The following KLF12 variants were observed in gnomAD, a reference collection of about 807,000 sequenced individuals.
KLF12 encodes Krueppel-like factor 12.
KLF12 carries 9 observed loss-of-function variants against 37.8 expected under a neutral mutation model. That is an observed-to-expected ratio of 0.24 (90% CI 0.14 to 0.42). KLF12 has a LOEUF of 0.42. Among genes scored for constraint, KLF12 ranks in the 10% least tolerant of loss-of-function variants. KLF12 has a pLI of 1.00. For synonymous variants in KLF12, 208 were observed against 202.1 expected, an observed-to-expected ratio of 1.03 and a Z score of -0.25; for missense variants, 411 against 516.0, an observed-to-expected ratio of 0.80 and a Z score of 1.97.
intron 3 of KLF12, among the ~76,000 whole-genome samples, chr13:73,856,277 G>A (rs1382817637): frequency 7.9e-5 from 12 of 152,172 alleles, no homozygotes; most frequent in African/African-American, 2.7e-4. Context: ...ACAGTGACAC[G>A]AAGACCCTCA....
chr13:73,803,874 T>C lies in KLF12; in HGVS notation c.806+9278A>G, dbSNP rs895531103. Among the ~76,000 whole-genome samples, 3 of 152,052 alleles carry C rather than the reference T, an allele frequency of 2.0e-5. No homozygotes were observed. In the South Asian group the frequency reaches 6.2e-4, roughly 32 times the overall value. ...GAGGTTGTGGACACCTAAGTAACAC[T>C]AGTCATATCCATGATGATGTAAATG... On this transcript the variant is annotated intron_variant, in intron 5 of 7. Transcript: ENST00000377669.
chr13:74,251,255 G>A, the KLF12 span, among the ~76,000 whole-genome samples: 3 of 151,874 alleles, frequency 2.0e-5, no homozygotes, highest in East Asian at 1.9e-4. Context: ...GGGTTCAAGC[G>A]ATTCTCCTGC....
intron 1 of KLF12, among the ~76,000 whole-genome samples, chr13:74,118,035 G>A (rs537432744): frequency 1.4e-4 from 21 of 151,826 alleles, no homozygotes; most frequent in African/African-American, 3.9e-4. Flanking sequence ...GATAAACAAC[G>A]CCATGGTAAT....
chr13:73,791,464 T>C (rs962271922), intron 5 of KLF12, among the ~76,000 whole-genome samples: 1 of 152,182 alleles, frequency 6.6e-6, no homozygotes, highest in Non-Finnish European at 1.5e-5. Context: ...ATATATATTG[T>C]CTTCTTTAGG....
chr13:73,775,019 G>C (rs1427801615), intron 5 of KLF12, among the ~76,000 whole-genome samples: 1 of 151,668 alleles, frequency 6.6e-6, no homozygotes, highest in Non-Finnish European at 1.5e-5. Context: ...CTGGGTTCAG[G>C]TGATTCTCCT....
chr13:73,985,145 C>T (rs926426496), intron 2 of KLF12, among the ~76,000 whole-genome samples: 7 of 152,206 alleles, frequency 4.6e-5, no homozygotes, highest in Non-Finnish European at 1.0e-4. Flanking sequence ...AACATGTCGA[C>T]GAGAGTCTTC....
chr13:74,012,088 T>C (rs1233062575), intron 1 of KLF12, among the ~76,000 whole-genome samples: 1 of 152,214 alleles, frequency 6.6e-6, no homozygotes, highest in African/African-American at 2.4e-5. Flanking sequence ...AATCTAGCAT[T>C]TAATGCATCT....
chr13:74,049,173 C>T (rs1172570276), intron 1 of KLF12, among the ~76,000 whole-genome samples: 3 of 152,188 alleles, frequency 2.0e-5, no homozygotes, highest in African/African-American at 7.2e-5. Flanking sequence ...AACAAAGGGC[C>T]TCCACTGAGA....
chr13:74,257,805 C>A, the KLF12 span: 2 of 152,114 alleles, frequency 1.3e-5, no homozygotes, highest in African/African-American at 4.8e-5. Flanking sequence ...GTCTTTGTTG[C>A]TTTTTTCTAG....
chr13:74,038,186 T>C (rs189378686), intron 1 of KLF12, among the ~76,000 whole-genome samples: 3 of 152,194 alleles, frequency 2.0e-5, no homozygotes, highest in Admixed American at 1.3e-4. Flanking sequence ...ATGCTACCAG[T>C]GGGGAAAACT....
chr13:74,133,665 A>C (rs1276442484), intron 1 of KLF12, among the ~76,000 whole-genome samples: 1 of 111,670 alleles, frequency 9.0e-6, no homozygotes, highest in Non-Finnish European at 1.9e-5. Context: ...ATACGGTCTG[A>C]TTTGGGATGG....
rs368511840 is a variant in KLF12, at chr13:73,719,423, C to CAAA, written c.870-3901_870-3899dup. 2.9e-3 allele frequency among the ~76,000 whole-genome samples: 416 copies of CAAA among 144,486 alleles called. 7 individuals carry two copies. In the East Asian group the frequency reaches 0.055, roughly 19 times the overall value. The allele number at this position is 144,486 out of a possible 152,430, so 94.8% of individuals were successfully genotyped here. A position where few individuals can be genotyped will look rare whatever the true frequency, so the allele number is the denominator to read the frequency against. On this transcript the variant is annotated intron_variant, in intron 6 of 7. Transcript: ENST00000377669. ...CAGAACCTAGGACATTGTGGGCATT[C>CAAA]AAAAAAAAAAAAAAGTTTGCTAAAT...
intron 3 of KLF12, among the ~76,000 whole-genome samples, chr13:73,851,208 T>C (rs1885317065): frequency 6.6e-6 from 1 of 152,224 alleles, no homozygotes; most frequent in South Asian, 2.1e-4. Context: ...AAACAGAACT[T>C]ACTCTATTAC....
chr13:74,191,613 C>T, the KLF12 span, among the ~76,000 whole-genome samples: 1 of 152,276 alleles, frequency 6.6e-6, no homozygotes, highest in Non-Finnish European at 1.5e-5. Context: ...TTCCTGACAT[C>T]TCCCTGAAGA....
At chr13:73,833,156 T>C (rs1424574945) in intron 4 of KLF12, among the ~76,000 whole-genome samples, 2 of 152,222 alleles carry the variant, frequency 1.3e-5, no homozygotes, top group African/African-American at 4.8e-5. Flanking sequence ...ATTCTATTAA[T>C]TGCCTGGATC....
chr13:74,205,353 CTT>C, the KLF12 span, among the ~76,000 whole-genome samples: 3 of 152,060 alleles, frequency 2.0e-5, no homozygotes, highest in East Asian at 3.9e-4. Flanking sequence ...TGAAAAGTAA[CTT>C]ATTCTCCCAA....
chr13:74,022,284 T>C lies in KLF12; in HGVS notation c.-31-27231A>G, dbSNP rs376869822. Among the ~76,000 whole-genome samples the C allele has an allele frequency of 1.7e-3, 266 of 152,218 alleles. 2 individuals are homozygous for C. The highest frequency in any genetic ancestry group is 6.0e-3 in the African/African-American group (251 of 41,514). On this transcript the variant is annotated intron_variant, in intron 1 of 7. Transcript: ENST00000377669. ...GAGCTTCTTGGAAATAATCACATAA[T>C]ACGGGGGCAACATTCACTGCAAACA... is the stretch of plus-strand genomic sequence containing the variant.
At chr13:73,907,640 G>C (rs1888365551) in intron 3 of KLF12, among the ~76,000 whole-genome samples, 1 of 152,184 alleles carries the variant, frequency 6.6e-6, no homozygotes, top group Non-Finnish European at 1.5e-5. Flanking sequence ...GAGTAGTTAA[G>C]TAACTTGAAG....
At chr13:74,068,719 G>T (rs1345825631) in intron 1 of KLF12, among the ~76,000 whole-genome samples, 2 of 152,010 alleles carry the variant, frequency 1.3e-5, no homozygotes, top group East Asian at 3.9e-4. Flanking sequence ...ATAACACTCA[G>T]CTAATTTTCG....
Sources: allele counts gnomAD v4.1 joint callset (sites outside exome capture counted in the v4.1 genomes callset), GRCh38; gene constraint gnomAD v4.1.1; transcripts MANE v1.5; gene names NCBI Gene and HGNC (gene_info 2026-07-23, HGNC 2026-07-21).